TENM3: variants seen among roughly 807,000 people sequenced by gnomAD.
TENM3 encodes teneurin transmembrane protein 3.
TENM3 carries 63 observed loss-of-function variants against 255.1 expected under a neutral mutation model. That is an observed-to-expected ratio of 0.25 (90% CI 0.20 to 0.30). The LOEUF is 0.30. TENM3 is among the 10% of genes least tolerant of loss of function. TENM3 has a pLI of 1.00. For synonymous variants in TENM3, 1,306 were observed against 1,322.3 expected, an observed-to-expected ratio of 0.99 and a Z score of 0.27; for missense variants, 2,929 against 3,461.1, an observed-to-expected ratio of 0.85 and a Z score of 3.86.
chr4:181,828,260 G>A, the TENM3 span, among the ~76,000 whole-genome samples: 1 of 152,264 alleles, frequency 6.6e-6, no homozygotes, highest in African/African-American at 2.4e-5. Flanking sequence ...CCTGACTGCG[G>A]CACCATCCTG....
chr4:181,715,828 A>C, the TENM3 span, among the ~76,000 whole-genome samples: 1 of 152,206 alleles, frequency 6.6e-6, no homozygotes, highest in Non-Finnish European at 1.5e-5. Flanking sequence ...GTAAGTACTT[A>C]ATAGATATTG....
At chr4:182,284,587 T>C (rs1035556981) in intron 1 of TENM3, among the ~76,000 whole-genome samples, 2 of 152,178 alleles carry the variant, frequency 1.3e-5, no homozygotes, top group African/African-American at 4.8e-5. Context: ...TTATTTTGTA[T>C]ACCCTAAGCT....
the TENM3 span, among the ~76,000 whole-genome samples, chr4:182,022,800 A>G: frequency 6.6e-6 from 1 of 152,172 alleles, no homozygotes; most frequent in South Asian, 2.1e-4. Flanking sequence ...GAAATGTCAG[A>G]TTTTGGGCTG....
chr4:182,432,574 C>A (rs961100129), intron 3 of TENM3, among the ~76,000 whole-genome samples: 2 of 152,116 alleles, frequency 1.3e-5, no homozygotes, highest in East Asian at 1.9e-4. Flanking sequence ...TGATGACCAA[C>A]CTTGAGGGGA....
chr4:182,636,571 G>A (rs1049546823), intron 5 of TENM3, among the ~76,000 whole-genome samples: 2 of 152,032 alleles, frequency 1.3e-5, no homozygotes, highest in East Asian at 3.9e-4. Context: ...CAAAAAGTTA[G>A]CCAGGCATGG....
At chr4:181,814,737 A>G in the TENM3 span, among the ~76,000 whole-genome samples, 2 of 152,176 alleles carry the variant, frequency 1.3e-5, no homozygotes, top group Non-Finnish European at 2.9e-5. Context: ...AATAATTTGC[A>G]AAGAGGTGAC....
the TENM3 span, among the ~76,000 whole-genome samples, chr4:181,481,134 C>A: frequency 5.5e-5 from 8 of 144,884 alleles, no homozygotes; most frequent in East Asian, 1.2e-3. Context: ...AAGAAAAAAA[C>A]CTATAAAAAA....
chr4:181,664,604 A>G, the TENM3 span, among the ~76,000 whole-genome samples: 1 of 152,318 alleles, frequency 6.6e-6, no homozygotes, highest in Admixed American at 6.5e-5. Flanking sequence ...TGCACCGTCA[A>G]TGTCTCTACA....
chr4:182,292,610 T>C (rs1021390255), intron 1 of TENM3, among the ~76,000 whole-genome samples: 7 of 152,128 alleles, frequency 4.6e-5, no homozygotes, highest in African/African-American at 7.2e-5. Flanking sequence ...CATGGTCGCG[T>C]GGGTAAATGC....
upstream of TENM3, among the ~76,000 whole-genome samples, chr4:182,241,957 T>C (rs1481988074): frequency 6.6e-6 from 1 of 151,772 alleles, no homozygotes; most frequent in Non-Finnish European, 1.5e-5. Context: ...TGCTCTCATC[T>C]GTTTTCTCCA....
At chr4:181,807,767 A>C in the TENM3 span, among the ~76,000 whole-genome samples, 5 of 152,330 alleles carry the variant, frequency 3.3e-5, no homozygotes, top group East Asian at 9.6e-4. Flanking sequence ...GTTCCCACCT[A>C]AATGGGAGTT....
the TENM3 span, among the ~76,000 whole-genome samples, chr4:181,686,169 G>A: frequency 3.8e-3 from 572 of 152,236 alleles, 4 homozygotes; most frequent in African/African-American, 0.013. Flanking sequence ...GTCAGCAGCT[G>A]CAGATAGTGG....
chr4:181,475,309 G>C, the TENM3 span, among the ~76,000 whole-genome samples: 1 of 152,152 alleles, frequency 6.6e-6, no homozygotes, highest in African/African-American at 2.4e-5. Flanking sequence ...TATTCATCTG[G>C]TGCTCTTTCA....
At chr4:182,154,252 A>G (rs571410453) in intron 1 of TENM3, among the ~76,000 whole-genome samples, 2 of 152,064 alleles carry the variant, frequency 1.3e-5, no homozygotes, top group East Asian at 1.9e-4. Context: ...AGAGTGTTAC[A>G]TAGTCTTTAG....
At chr4:182,026,538 C>T in the TENM3 span, among the ~76,000 whole-genome samples, 1 of 152,152 alleles carries the variant, frequency 6.6e-6, no homozygotes, top group Non-Finnish European at 1.5e-5. Flanking sequence ...TATTTGCCCA[C>T]ACCAATGTCC....
At chr4:181,752,627 A>G in the TENM3 span, among the ~76,000 whole-genome samples, 1 of 152,192 alleles carries the variant, frequency 6.6e-6, no homozygotes, top group African/African-American at 2.4e-5. Flanking sequence ...CTCACACTCC[A>G]ATGGTATCAT....
At chr4:181,688,981 C>T in the TENM3 span, among the ~76,000 whole-genome samples, 1 of 152,192 alleles carries the variant, frequency 6.6e-6, no homozygotes, top group African/African-American at 2.4e-5. Context: ...ATCTCTCCCC[C>T]ATTCACTTTG....
intron 3 of TENM3, among the ~76,000 whole-genome samples, chr4:182,432,821 T>C (rs894593068): frequency 7.0e-6 from 1 of 143,240 alleles, no homozygotes; most frequent in African/African-American, 2.6e-5. Context: ...TTTACAGTTT[T>C]CAAATTTTTC....
At chr4:182,292,856 A>G (rs1761209468) in intron 1 of TENM3, among the ~76,000 whole-genome samples, 1 of 152,194 alleles carries the variant, frequency 6.6e-6, no homozygotes, top group African/African-American at 2.4e-5. Flanking sequence ...GGTTTTCCAT[A>G]AGGAAGAGCA....
Sources: gnomAD v4.1 joint callset for allele counts (sites outside exome capture counted in the v4.1 genomes callset) on GRCh38, gnomAD v4.1.1 for gene constraint, MANE v1.5 for transcripts, NCBI Gene and HGNC (gene_info 2026-07-23, HGNC 2026-07-21) for gene names.